The following EHD2 variants were observed in gnomAD, a reference collection of about 807,000 sequenced individuals.
The protein encoded by EHD2 is EH domain-containing protein 2.
In EHD2, 27 loss-of-function variants were observed where a neutral mutation model predicts 41.0. The observed-to-expected ratio is 0.66, with a 90% confidence interval of 0.49 to 0.91. The LOEUF (loss-of-function observed/expected upper bound fraction) is 0.91, where lower values mean the gene tolerates loss of function less well. EHD2 is among the 40% of genes least tolerant of loss of function. EHD2 has a pLI of 0.00. For missense variants in EHD2, 673 were observed against 773.9 expected, an observed-to-expected ratio of 0.87 and a Z score of 1.55; for synonymous variants, 342 against 341.0, an observed-to-expected ratio of 1.00 and a Z score of -0.03.
intron 5 of EHD2, among the ~76,000 whole-genome samples, chr19:47,740,252 A>G (rs10411681): frequency 0.74 from 111,989 of 151,772 alleles, 41,746 homozygotes; most frequent in African/African-American, 0.84. Flanking sequence ...CTATAGTCCC[A>G]GCGAATTGCG....
rs1568590091 is a variant in EHD2 at position 47,725,776 on chromosome 19, G to A, written c.503-36G>A. 3 of 1,546,136 alleles carry A rather than the reference G, an allele frequency of 1.9e-6. No individual in the cohort carries two copies. The East Asian group carries it at 6.8e-5, about 35-fold the overall frequency. On this transcript the variant is annotated intron_variant, in intron 3 of 5. Transcript: ENST00000263277. ...GCTGGAGGGTGGGGGTCTGATTTCTGCCCCTTGCGCCCCTGTCTCTCCACT... is the reference window on the plus strand; with the variant it reads ...GCTGGAGGGTGGGGGTCTGATTTCTACCCCTTGCGCCCCTGTCTCTCCACT...
chr19:47,735,382 G>A (rs1966910404), intron 4 of EHD2, among the ~76,000 whole-genome samples: 1 of 152,190 alleles, frequency 6.6e-6, no homozygotes, highest in Non-Finnish European at 1.5e-5. Context: ...CCCAGCAGGA[G>A]GAGGCCATGA....
intron 4 of EHD2, chr19:47,732,888 A>T (rs183635493): frequency 6.6e-6 from 1 of 152,170 alleles, no homozygotes; most frequent in East Asian, 1.9e-4. Context: ...GTTCAAGACC[A>T]GCCTGACCAA....
At chr19:47,736,184 A>G (rs539227327) in intron 4 of EHD2, among the ~76,000 whole-genome samples, 185 bp from the exon 5 acceptor site, 23 of 152,358 alleles carry the variant, frequency 1.5e-4, no homozygotes, top group African/African-American at 5.3e-4. Context: ...TGACAGAGCG[A>G]GACTCCGTCT....
Position 47,741,213 on chromosome 19 carries a change from G to T in EHD2, c.1413G>T (p.Lys471Asn), listed in dbSNP as rs766006819. 26 of 1,613,844 alleles carry T rather than the reference G, an allele frequency of 1.6e-5. No individual in the cohort carries two copies. The highest frequency in any genetic ancestry group is 2.0e-5 in the Non-Finnish European group (24 of 1,179,958). ...CCGACGGCAAGCTGAGCGGCTCCAA[G>T]GCCAAGACCTGGATGGTGGGGACCA... ...APADGKLSGS[K>N]AKTWMVGTKL... The change falls in exon 6 of 6, where the codon AAG (lysine) becomes AAT (asparagine). Residue 471 changes from lysine to asparagine, a missense_variant. Lys to Asn is a moderately conservative substitution (Grantham distance 94). Coordinates refer to ENST00000263277, the MANE Select transcript of EHD2 (RefSeq NM_014601.4). This position sits in a 1 kb window ranked among gnomAD's most constrained non-coding sequence, Gnocchi z 4.5.
intron 3 of EHD2, among the ~76,000 whole-genome samples, chr19:47,721,478 T>C (rs906722232): frequency 6.6e-6 from 1 of 151,890 alleles, no homozygotes; most frequent in Non-Finnish European, 1.5e-5. Context: ...CATGCCCGGC[T>C]AATTTTTTTG....
At chr19:47,728,295 C>T (rs1002263742) in intron 4 of EHD2, among the ~76,000 whole-genome samples, 15 of 151,838 alleles carry the variant, frequency 9.9e-5, no homozygotes, top group African/African-American at 3.4e-4. Context: ...GCTGCTCCCT[C>T]TTCCTGGAAA....
At chr19:47,738,910 C>A (rs1182671309) in intron 5 of EHD2, among the ~76,000 whole-genome samples, 1 of 152,092 alleles carries the variant, frequency 6.6e-6, no homozygotes, top group Admixed American at 6.6e-5. Context: ...CAGTGTGACG[C>A]CAAGTCCACC....
At chr19:47,715,836 C>T (rs906114226) in intron 1 of EHD2, among the ~76,000 whole-genome samples, 12 of 152,034 alleles carry the variant, frequency 7.9e-5, no homozygotes, top group Admixed American at 3.9e-4. Context: ...GGCGGGATCT[C>T]GGCTCACTGC....
chr19:47,726,273 G>A, intron 4 of EHD2, 49 bp downstream of exon 4: 1 of 1,449,648 alleles, frequency 6.9e-7, no homozygotes, highest in Non-Finnish European at 9.1e-7. Context: ...AGGTTTCCTC[G>A]GTCCTCTCCT....
At chr19:47,739,597 CAAAAA>C (rs869157023) in intron 5 of EHD2, among the ~76,000 whole-genome samples, 2 of 60,710 alleles carry the variant, frequency 3.3e-5, no homozygotes, top group Non-Finnish European at 7.0e-5. Flanking sequence ...CGAAACTCGT[CAAAAA>C]AAAAAAAAAA....
chr19:47,731,307 T>C (rs1279351674), intron 4 of EHD2: 1 of 120,996 alleles, frequency 8.3e-6, no homozygotes, highest in Non-Finnish European at 1.8e-5. Context: ...TATATACATA[T>C]ATATATAATT....
chr19:47,725,603 C>T (rs1197044304), intron 3 of EHD2, among the ~76,000 whole-genome samples: 1 of 151,974 alleles, frequency 6.6e-6, no homozygotes, highest in Non-Finnish European at 1.5e-5. Flanking sequence ...GGGGCCAGAG[C>T]GAGGGGGGAA....
At position 47,717,906 on chromosome 19, in the gene EHD2, TAA is replaced by T. The variant is rs749665768; in HGVS notation, c.405-583_405-582del. Reference sequence around the variant, plus strand: ...CTGGGCAACAGAGCGAGACTCTGTCTAAAAAAAAAAAAAAAAAAAAAGGGATC... The same window carrying T: ...CTGGGCAACAGAGCGAGACTCTGTCTAAAAAAAAAAAAAAAAAAAGGGATC... On this transcript the variant is annotated intron_variant, in intron 2 of 5. Coordinates refer to ENST00000263277, the MANE Select transcript of EHD2 (RefSeq NM_014601.4). 6.1e-3 allele frequency among the ~76,000 whole-genome samples: 570 copies of T among 93,838 alleles called. 5 individuals carry two copies. Among genetic ancestry groups the T allele is most frequent in the African/African-American group, 0.018 (455 of 24,844 alleles). The allele number at this position is 93,838 out of a possible 152,430, so 61.6% of individuals were successfully genotyped here.
Position 47,741,280 on chromosome 19 carries a change from G to C in EHD2, c.1480G>C (p.Asp494His). Residue 494 changes from aspartate (D) to histidine (H), a missense_variant, in exon 6 of 6, where the codon GAT (aspartate) becomes CAT (histidine). Asp to His is a moderately conservative substitution (Grantham distance 81). Transcript: ENST00000263277. This position sits in a 1 kb window ranked among gnomAD's most constrained non-coding sequence, Gnocchi z 4.5. The stretch of plus-strand genomic sequence containing the variant: ...GCTGGGGCGCATCTGGAAGCTCAGC[G>C]ATGTGGACCGCGACGGCATGCTGGA... ...SVLGRIWKLS[D>H]VDRDGMLDDE... is the part of the protein sequence containing the mutation. The C allele has an allele frequency of 6.2e-7, 1 of 1,614,096 alleles. No homozygotes were observed. The highest frequency in any genetic ancestry group is 8.5e-7 in the Non-Finnish European group (1 of 1,179,970).
At chr19:47,717,426 C>T (rs920394198) in intron 2 of EHD2, among the ~76,000 whole-genome samples, 6 of 152,172 alleles carry the variant, frequency 3.9e-5, no homozygotes, top group East Asian at 1.9e-4. Flanking sequence ...GTGTTTCCCT[C>T]CTTCTCAGCC....
intron 4 of EHD2, among the ~76,000 whole-genome samples, chr19:47,727,090 A>G (rs1021443765): frequency 6.6e-6 from 1 of 152,044 alleles, no homozygotes; most frequent in Non-Finnish European, 1.5e-5. Flanking sequence ...TTATTCCACA[A>G]ATATTTCTTT....
chr19:47,738,949 G>C (rs1432808029), intron 5 of EHD2, among the ~76,000 whole-genome samples: 1 of 152,154 alleles, frequency 6.6e-6, no homozygotes, highest in Non-Finnish European at 1.5e-5. Flanking sequence ...TTCTTCGGTG[G>C]GGAGGGGGTG....
In EHD2 at chr19:47,716,866, G is replaced by A; in HGVS notation, c.254G>A (p.Gly85Asp). The A allele has an allele frequency of 6.2e-7, 1 of 1,611,514 alleles. No homozygotes were observed. Among genetic ancestry groups the A allele is most frequent in the Non-Finnish European group, 8.5e-7 (1 of 1,178,904 alleles). Residue 85 changes from glycine (G) to aspartate (D), a missense_variant, in exon 2 of 6, where the codon GGC becomes GAC. Coordinates refer to ENST00000263277, the MANE Select transcript of EHD2 (RefSeq NM_014601.4). ...IQYLLEQEVP[G>D]SRVGPEPTTD... is the part of the protein sequence containing the mutation. Reference sequence around the variant, plus strand: ...TACCTGCTGGAGCAGGAGGTGCCCGGCTCCCGCGTGGGGCCTGAGCCCACC... The same window carrying A: ...TACCTGCTGGAGCAGGAGGTGCCCGACTCCCGCGTGGGGCCTGAGCCCACC...
Sources: gnomAD v4.1 joint callset for allele counts (sites outside exome capture counted in the v4.1 genomes callset) on GRCh38, gnomAD v4.1.1 for gene constraint, Gnocchi (gnomAD v3.1) non-coding constraint, MANE v1.5 for transcripts, NCBI Gene and HGNC (gene_info 2026-07-23, HGNC 2026-07-21) for gene names.